SERPINE2: variants seen among roughly 807,000 people sequenced by gnomAD.
SERPINE2 encodes the protein glia-derived nexin.
Under a neutral mutation model 36.3 loss-of-function variants are expected in SERPINE2, and 14 were observed. The observed-to-expected ratio is 0.39, with a 90% confidence interval of 0.25 to 0.60. The LOEUF (loss-of-function observed/expected upper bound fraction) is 0.60, where lower values mean the gene tolerates loss of function less well. SERPINE2 is among the 20% of genes least tolerant of loss of function. SERPINE2 has a pLI of 0.57. For synonymous variants in SERPINE2, 192 were observed against 191.8 expected, an observed-to-expected ratio of 1.00 and a Z score of -0.01; for missense variants, 418 against 499.6, an observed-to-expected ratio of 0.84 and a Z score of 1.56.
In SERPINE2 at chr2:223,975,486, T is replaced by C. The variant is rs541881971; in HGVS notation, c.*381A>G. The C allele has an allele frequency of 1.2e-5, 2 of 168,406 alleles. No individual in the cohort carries two copies. The highest frequency in any genetic ancestry group is 3.2e-4 in the East Asian group (2 of 6,250). 10.4% of individuals were successfully genotyped at this position (168,406 alleles called of 1,614,324 possible). ...AAGTAAAAGCTACCATAAAACATTT[T>C]TTTTTCTGTCACACTGATTAAATTT... On this transcript the variant is annotated 3_prime_UTR_variant, in exon 9 of 9. Coordinates refer to ENST00000409304, the MANE Select transcript of SERPINE2 (RefSeq NM_001136528.2).
intron 1 of SERPINE2, among the ~76,000 whole-genome samples, chr2:224,033,573 C>T (rs756237665): frequency 9.2e-5 from 14 of 151,866 alleles, no homozygotes; most frequent in African/African-American, 1.2e-4. Flanking sequence ...GTAACCTACA[C>T]GCTCTATTGG....
intron 1 of SERPINE2, among the ~76,000 whole-genome samples, chr2:224,002,290 T>C (rs1574830413): frequency 1.3e-5 from 1 of 74,436 alleles, no homozygotes; most frequent in African/African-American, 5.0e-5. Flanking sequence ...GAGGCCATTT[T>C]GTACTCACCT....
chr2:224,003,175 G>T (rs191207196), intron 1 of SERPINE2, among the ~76,000 whole-genome samples: 1 of 152,100 alleles, frequency 6.6e-6, no homozygotes, highest in Non-Finnish European at 1.5e-5. Flanking sequence ...GGCAGAGGGA[G>T]AGCAGGGCCG....
At chr2:224,016,861 A>C (rs1691816841) in intron 1 of SERPINE2, among the ~76,000 whole-genome samples, 2 of 152,242 alleles carry the variant, frequency 1.3e-5, no homozygotes, top group South Asian at 4.1e-4. Flanking sequence ...TGAATGGAAA[A>C]GCCTATTTCA....
rs557984920 is a variant in SERPINE2, at chr2:224,026,273, C to G, written c.-23+12826G>C. 3.3e-5 allele frequency among the ~76,000 whole-genome samples: 5 copies of G among 152,332 alleles called. No individual in the cohort carries two copies. In the South Asian group the frequency reaches 1.0e-3, roughly 32 times the overall value. On this transcript the variant is annotated intron_variant, in intron 1 of 8. Coordinates refer to ENST00000409304, the MANE Select transcript of SERPINE2 (RefSeq NM_001136528.2). ...AAATAATCTTCCATCATGTTTGAGTCACGGTACATATTTGGGTTTATTTGT... is the reference window on the plus strand; with the variant it reads ...AAATAATCTTCCATCATGTTTGAGTGACGGTACATATTTGGGTTTATTTGT...
intron 1 of SERPINE2, chr2:224,030,851 T>A (rs1024761032): frequency 1.9e-6 from 1 of 517,646 alleles, no homozygotes; most frequent in Non-Finnish European, 2.5e-6. Flanking sequence ...TGGACTCTTG[T>A]GTAAATCTCT....
At chr2:224,019,321 T>C (rs4583455) in intron 1 of SERPINE2, among the ~76,000 whole-genome samples, 143,771 of 152,266 alleles carry the variant, frequency 0.94, 68,232 homozygotes, top group Non-Finnish European at 0.99. Flanking sequence ...TGGAATGTGA[T>C]GTCTCTCTCA....
chr2:223,980,524 C>G, intron 6 of SERPINE2, 127 bp from the exon 7 acceptor site: 1 of 716,580 alleles, frequency 1.4e-6, no homozygotes, highest in Non-Finnish European at 2.4e-6. Flanking sequence ...AAGACATGAC[C>G]TCTGACAGTC....
intron 1 of SERPINE2, among the ~76,000 whole-genome samples, chr2:224,037,672 T>C (rs1433275157): frequency 6.6e-6 from 1 of 152,232 alleles, no homozygotes; most frequent in Non-Finnish European, 1.5e-5. Context: ...TTTCCAACTC[T>C]ACCACCTCAA....
intron 1 of SERPINE2, among the ~76,000 whole-genome samples, chr2:224,035,225 A>G (rs879854705): frequency 2.0e-5 from 3 of 152,160 alleles, no homozygotes; most frequent in Admixed American, 6.5e-5. Flanking sequence ...CTAGCTCTGA[A>G]GCCCATGGGA....
At chr2:224,018,107 G>A (rs192869257) in intron 1 of SERPINE2, among the ~76,000 whole-genome samples, 6 of 152,130 alleles carry the variant, frequency 3.9e-5, no homozygotes, top group South Asian at 2.1e-4. Context: ...CCTCCCCAGG[G>A]GAAGCAGCTC....
chr2:224,030,207 C>G (rs891066003), intron 1 of SERPINE2: 1 of 985,264 alleles, frequency 1.0e-6, no homozygotes, highest in African/African-American at 1.7e-5. Flanking sequence ...GAGCCTGAAG[C>G]CTGCGGGCAG....
intron 1 of SERPINE2, among the ~76,000 whole-genome samples, chr2:224,015,666 C>T (rs1373926628): frequency 6.6e-6 from 1 of 152,222 alleles, no homozygotes. Flanking sequence ...CAGTGTCTAT[C>T]TTGTTCCATG....
At chr2:224,004,983 A>G (rs1217293884) in intron 1 of SERPINE2, among the ~76,000 whole-genome samples, 1 of 135,488 alleles carries the variant, frequency 7.4e-6, no homozygotes, top group Admixed American at 7.7e-5. Flanking sequence ...ATAGACTCAA[A>G]TACTACATAT....
chr2:223,999,431 G>A (rs1252674464), intron 2 of SERPINE2, among the ~76,000 whole-genome samples: 2 of 152,172 alleles, frequency 1.3e-5, no homozygotes, highest in Non-Finnish European at 2.9e-5. Flanking sequence ...GTCCTCTAAA[G>A]AGCCGATTTG....
intron 3 of SERPINE2, among the ~76,000 whole-genome samples, 177 bp from the exon 4 acceptor site, chr2:223,992,177 ATTAAAG>A (rs1344753392): frequency 2.0e-5 from 3 of 152,260 alleles, no homozygotes; most frequent in South Asian, 4.2e-4. Flanking sequence ...CCCACTAAAT[ATTAAAG>A]TTAAAAAGAA....
At chr2:224,002,383 A>G (rs1211686132) in intron 1 of SERPINE2, among the ~76,000 whole-genome samples, 4 of 152,208 alleles carry the variant, frequency 2.6e-5, no homozygotes, top group Non-Finnish European at 5.9e-5. Flanking sequence ...CAGTTTTCAA[A>G]ACACACCCTG....
chr2:223,997,725 GATCA>G (rs777274965), intron 3 of SERPINE2, among the ~76,000 whole-genome samples: 14 of 152,298 alleles, frequency 9.2e-5, no homozygotes, highest in Middle Eastern at 3.4e-3. Context: ...AAGGCAAAGA[GATCA>G]ATCAACCTGG....
intron 5 of SERPINE2, among the ~76,000 whole-genome samples, chr2:223,983,732 GTA>G (rs1203172754): frequency 7.4e-5 from 6 of 80,930 alleles, no homozygotes; most frequent in African/African-American, 3.0e-4. Flanking sequence ...ATATATGTGT[GTA>G]TATGTGTGTG....
Sources: gnomAD v4.1 joint callset for allele counts (sites outside exome capture counted in the v4.1 genomes callset) on GRCh38, gnomAD v4.1.1 for gene constraint, MANE v1.5 for transcripts, NCBI Gene and HGNC (gene_info 2026-07-23, HGNC 2026-07-21) for gene names.